Variants in RARS1 observed in about 807,000 individuals in gnomAD.
The protein encoded by RARS1 is arginyl-tRNA synthetase 1.
RARS1 carries 75 observed loss-of-function variants against 78.7 expected under a neutral mutation model. That is an observed-to-expected ratio of 0.95 (90% CI 0.79 to 1.15). The LOEUF is 1.15. RARS1 is among the 50% of genes most tolerant of loss of function. The pLI is 0.00. For synonymous variants in RARS1, 273 were observed against 268.2 expected, an observed-to-expected ratio of 1.02 and a Z score of -0.18; for missense variants, 787 against 787.5, an observed-to-expected ratio of 1.00 and a Z score of 0.01.
rs1758113336 is a variant in RARS1 at position 168,492,804 on chromosome 5, A to G, written c.326A>G (p.Lys109Arg). The change falls in exon 3 of 15, where the codon AAG becomes AGG. Residue 109 changes from lysine to arginine, a missense_variant. By Grantham distance (26) the Lys-to-Arg change is conservative. Transcript: ENST00000231572. ...CTAGTGACACCAAGTCAGCAGGCCA[A>G]GTTTGGGGACTATCAGTGTAATAGT... ...PLLVTPSQQA[K>R]FGDYQCNSAM... 1 of 1,613,912 alleles carries G rather than the reference A, an allele frequency of 6.2e-7. No individual in the cohort carries two copies. Among genetic ancestry groups the G allele is most frequent in the East Asian group, 2.2e-5 (1 of 44,884 alleles).
intron 9 of RARS1, among the ~76,000 whole-genome samples, chr5:168,505,754 T>G (rs1168283935): frequency 6.7e-6 from 1 of 150,014 alleles, no homozygotes; most frequent in African/African-American, 2.5e-5. Flanking sequence ...GAACCAAGTT[T>G]AGTGTTTAAG....
At position 168,489,995 on chromosome 5, in the gene RARS1, G is replaced by A. The variant is rs1387818310; in HGVS notation, c.180+1259G>A. Among the ~76,000 whole-genome samples, 92 of 151,962 alleles carry A rather than the reference G, an allele frequency of 6.1e-4. 1 individual carries two copies. The highest frequency in any genetic ancestry group is 4.4e-5 in the Non-Finnish European group (3 of 67,982). ...ACACCTGGTTAATTTTGTATTTTTA[G>A]TAGAGACGAGGTTTCTCCATGTTGG... On this transcript the variant is annotated intron_variant, in intron 2 of 14. Transcript: ENST00000231572.
At chr5:168,516,979 T>C (rs1278619707) in intron 13 of RARS1, 29 bp downstream of exon 13, 1 of 1,587,336 alleles carries the variant, frequency 6.3e-7, no homozygotes, top group Admixed American at 1.8e-5. Flanking sequence ...TGTTTTATTG[T>C]GAATCAAATG....
chr5:168,504,488 A>G (rs965464516), intron 9 of RARS1, among the ~76,000 whole-genome samples: 3 of 146,720 alleles, frequency 2.0e-5, no homozygotes, highest in African/African-American at 7.6e-5. Context: ...ATGCCACTGC[A>G]CTCCAGCCTG....
At chr5:168,502,617 G>C (rs1004632403) in intron 9 of RARS1, among the ~76,000 whole-genome samples, 3 of 147,760 alleles carry the variant, frequency 2.0e-5, no homozygotes, top group Admixed American at 6.8e-5. Flanking sequence ...TGTCGCCTAG[G>C]CTGGAGTGCA....
Position 168,492,280 on chromosome 5 carries a change from T to A in RARS1, c.181-379T>A, listed in dbSNP as rs972713786. 4.6e-5 allele frequency among the ~76,000 whole-genome samples: 7 copies of A among 152,362 alleles called. No individual in the cohort carries two copies. The East Asian group carries it at 1.3e-3, about 29-fold the overall frequency. On this transcript the variant is annotated intron_variant, in intron 2 of 14. Coordinates refer to ENST00000231572, the MANE Select transcript of RARS1 (RefSeq NM_002887.4). Reference sequence around the variant, plus strand: ...CAACATTTTGATGGACATCATGTATTTTTTTGTTTGTTTTTTGTCCATTGA... The same window carrying A: ...CAACATTTTGATGGACATCATGTATATTTTTGTTTGTTTTTTGTCCATTGA...
At chr5:168,518,473 A>G (rs1162070732) in intron 14 of RARS1, among the ~76,000 whole-genome samples, 1 of 152,206 alleles carries the variant, frequency 6.6e-6, no homozygotes, top group Admixed American at 6.5e-5. Flanking sequence ...AATTAGGCAC[A>G]TGAGATGGAA....
intron 2 of RARS1, 84 bp from the exon 3 acceptor site, chr5:168,492,575 G>T (rs1205348548): frequency 3.4e-6 from 4 of 1,193,852 alleles, no homozygotes; most frequent in South Asian, 3.1e-5. Context: ...ATATTTGGAG[G>T]TTTATACTCA....
At position 168,519,115 on chromosome 5, in the gene RARS1, G is replaced by A. The variant is rs755377535; in HGVS notation, c.1908G>A (p.Leu636=). The change falls in exon 15 of 15, where the codon CTG becomes CTA. Residue 636 remains leucine, a synonymous_variant. Coordinates refer to ENST00000231572, the MANE Select transcript of RARS1 (RefSeq NM_002887.4). The stretch of plus-strand genomic sequence containing the variant: ...TGAAGGTGAACATGTGGCGTATGCT[G>A]CTATGTGAAGCAGTAGCTGCTGTCA... ...KILKVNMWRM[L]LCEAVAAVMA... 6.2e-7 allele frequency: 1 copy of A among 1,614,060 alleles called. No homozygotes were observed. The highest frequency in any genetic ancestry group is 8.5e-7 in the Non-Finnish European group (1 of 1,179,962).
chr5:168,492,319 A>G (rs867393546), intron 2 of RARS1, among the ~76,000 whole-genome samples: 1 of 152,142 alleles, frequency 6.6e-6, no homozygotes, highest in African/African-American at 2.4e-5. Context: ...TTCACTTCCA[A>G]TATTTGATGT....
chr5:168,486,627 C>G lies in RARS1; in HGVS notation c.45+84C>G, dbSNP rs1933280378. On this transcript the variant is annotated intron_variant, in intron 1 of 14. Transcript: ENST00000231572. Reference sequence around the variant, plus strand: ...TGCCCAAGCGGCTTCGGGGGCGGGACAGCTAGGCGAGGACCATCCTGGTCC... The same window carrying G: ...TGCCCAAGCGGCTTCGGGGGCGGGAGAGCTAGGCGAGGACCATCCTGGTCC... 2.1e-6 allele frequency: 3 copies of G among 1,436,196 alleles called. No individual in the cohort carries two copies. The South Asian group carries it at 3.7e-5, about 18-fold the overall frequency. The allele number at this position is 1,436,196 out of a possible 1,614,324, so 89.0% of individuals were successfully genotyped here.
intron 13 of RARS1, 99 bp downstream of exon 13, chr5:168,517,049 C>A (rs984173148): frequency 1.6e-6 from 2 of 1,285,828 alleles, no homozygotes; most frequent in Non-Finnish European, 2.1e-6. Context: ...GAGACGGGGT[C>A]TTGGGCTCAA....
In RARS1 at chr5:168,497,227, G is replaced by C; in HGVS notation, c.702-1G>C. On this transcript the variant is annotated splice_acceptor_variant, in intron 6 of 14. Coordinates refer to ENST00000231572, the MANE Select transcript of RARS1 (RefSeq NM_002887.4). LOFTEE classifies it high-confidence loss of function. ...ATTATATATTCTCTGATTGGTGTTA[G>C]GTTAAATCATGTAGGAGACTGGGGG... 6.5e-7 allele frequency: 1 copy of C among 1,528,284 alleles called. No individual in the cohort carries two copies. Among genetic ancestry groups the C allele is most frequent in the Non-Finnish European group, 8.8e-7 (1 of 1,136,586 alleles). 94.7% of individuals were successfully genotyped at this position (1,528,284 alleles called of 1,614,324 possible).
intron 10 of RARS1, 69 bp downstream of exon 10, chr5:168,506,268 G>A: frequency 8.0e-7 from 1 of 1,246,486 alleles, no homozygotes; most frequent in East Asian, 2.5e-5. Context: ...TGAGGTTGGT[G>A]ACATCTGACA....
At chr5:168,506,631 T>A in intron 10 of RARS1, 91 bp from the exon 11 acceptor site, 1 of 950,424 alleles carries the variant, frequency 1.1e-6, no homozygotes, top group Non-Finnish European at 1.6e-6. Flanking sequence ...GCGATTTGAA[T>A]TTTACAGATC....
chr5:168,488,718 AC>A lies in RARS1; in HGVS notation c.163del (p.Leu55Ter). The A allele has an allele frequency of 6.2e-7, 1 of 1,608,328 alleles. No homozygotes were observed. The highest frequency in any genetic ancestry group is 8.5e-7 in the Non-Finnish European group (1 of 1,178,438). On this transcript the variant is annotated frameshift_variant, in exon 2 of 15. Coordinates refer to ENST00000231572, the MANE Select transcript of RARS1 (RefSeq NM_002887.4). LOFTEE classifies it high-confidence loss of function. ...QEENLKLKYR[L>X]NILRKSLQAE... Reference sequence around the variant, plus strand: ...AAGAAAATTTAAAATTAAAGTATCGACTGAATATTCTTCGAAAGGTGAGTAC... The same window carrying A: ...AAGAAAATTTAAAATTAAAGTATCGATGAATATTCTTCGAAAGGTGAGTAC...
chr5:168,518,959 C>T, intron 14 of RARS1, 122 bp from the exon 15 acceptor site: 1 of 663,128 alleles, frequency 1.5e-6, no homozygotes, highest in Non-Finnish European at 2.5e-6. Flanking sequence ...AGTTAAAACC[C>T]AAAAACATCT....
rs114006453 is a variant in RARS1, at chr5:168,486,517, G to C, written c.19G>C (p.Glu7Gln). 5.6e-5 allele frequency: 88 copies of C among 1,559,274 alleles called. No individual in the cohort carries two copies. In the African/African-American group the frequency reaches 1.1e-3, roughly 20 times the overall value. Residue 7 changes from glutamate (E) to glutamine (Q), a missense_variant, in exon 1 of 15, where the codon GAG becomes CAG. Transcript: ENST00000231572. ...TGGGAGGATGGACGTACTGGTGTCT[G>C]AGTGCTCCGCGCGGCTGCTGCAGCA... MDVLVS[E>Q]CSARLLQQEE...
Position 168,488,696 on chromosome 5 carries a change from A to G in RARS1, c.140A>G (p.Glu47Gly). The change falls in exon 2 of 15, where the codon GAA becomes GGA. Residue 47 changes from glutamate to glycine, a missense_variant. Physicochemically the swap from Glu to Gly is moderately conservative, Grantham distance 98. Transcript: ENST00000231572. ...CCAAATTTGGAGCAGTTACAAGAAGAAAATTTAAAATTAAAGTATCGACTG... is the reference window on the plus strand; with the variant it reads ...CCAAATTTGGAGCAGTTACAAGAAGGAAATTTAAAATTAAAGTATCGACTG... Reference protein sequence around the residue: ...ASPNLEQLQEENLKLKYRLNI... With the variant: ...ASPNLEQLQEGNLKLKYRLNI... The G allele has an allele frequency of 1.2e-6, 2 of 1,611,154 alleles. No homozygotes were observed. Among genetic ancestry groups the G allele is most frequent in the Non-Finnish European group, 1.7e-6 (2 of 1,179,250 alleles).
Sources: gnomAD v4.1 joint callset for allele counts (sites outside exome capture counted in the v4.1 genomes callset) on GRCh38, gnomAD v4.1.1 for gene constraint, MANE v1.5 for transcripts, NCBI Gene and HGNC (gene_info 2026-07-23, HGNC 2026-07-21) for gene names.